SLC67A1: variants seen among roughly 807,000 people sequenced by gnomAD.
The protein encoded by SLC67A1 is solute carrier family 67 member 1.
the SLC67A1 span, among the ~76,000 whole-genome samples, chr11:2,910,157 G>C: frequency 6.6e-6 from 1 of 152,278 alleles, no homozygotes; most frequent in South Asian, 2.1e-4. Flanking sequence ...TTGAGTCCCC[G>C]AACGTTCTCC....
chr11:2,904,873 C>T, the SLC67A1 span, among the ~76,000 whole-genome samples: 1 of 152,156 alleles, frequency 6.6e-6, no homozygotes, highest in East Asian at 1.9e-4. Context: ...CCGGTTGAGG[C>T]CAGAATGGGA....
At chr11:2,916,983 A>G in the SLC67A1 span, 1 of 564,450 alleles carries the variant, frequency 1.8e-6, no homozygotes, top group Non-Finnish European at 3.2e-6. Flanking sequence ...AGGAAGGCCC[A>G]GACAGGGAAG....
At chr11:2,902,834 CTGAGAGCTGCA>C in the SLC67A1 span, 1 of 751,754 alleles carries the variant, frequency 1.3e-6, no homozygotes, top group Non-Finnish European at 1.6e-6. Flanking sequence ...TAGACCTTCC[CTGAGAGCTGCA>C]CTGTGTTGGG....
chr11:2,920,014 C>T, the SLC67A1 span: 3 of 152,306 alleles, frequency 2.0e-5, no homozygotes, highest in African/African-American at 7.2e-5. Context: ...GCTTCTGGAC[C>T]AGACCCTGGG....
chr11:2,904,175 C>A, the SLC67A1 span, among the ~76,000 whole-genome samples: 2 of 152,246 alleles, frequency 1.3e-5, no homozygotes, highest in African/African-American at 4.8e-5. Context: ...AGTCTCACAT[C>A]ACCAAGAAGC....
At chr11:2,903,778 T>C in the SLC67A1 span, 1 of 396,856 alleles carries the variant, frequency 2.5e-6, no homozygotes. Context: ...CCTAGCGCTG[T>C]TCCTCCTGCC....
At chr11:2,919,055 C>T in the SLC67A1 span, 1 of 521,516 alleles carries the variant, frequency 1.9e-6, no homozygotes, top group Non-Finnish European at 3.5e-6. Flanking sequence ...CCCTGGGTCC[C>T]TCCCTTCCAG....
At chr11:2,906,226 G>T in the SLC67A1 span, among the ~76,000 whole-genome samples, 2 of 152,230 alleles carry the variant, frequency 1.3e-5, no homozygotes, top group African/African-American at 4.8e-5. Flanking sequence ...AACAACAGAT[G>T]CTGGAGAGGA....
At chr11:2,915,526 C>T in the SLC67A1 span, among the ~76,000 whole-genome samples, 2 of 152,176 alleles carry the variant, frequency 1.3e-5, no homozygotes, top group Admixed American at 6.5e-5. Flanking sequence ...CACATTTGTC[C>T]GATCATCTAA....
At chr11:2,909,176 AC>A in the SLC67A1 span, 7 of 1,487,594 alleles carry the variant, frequency 4.7e-6, no homozygotes, top group African/African-American at 1.0e-4. Flanking sequence ...TGAGGGTCCG[AC>A]CCGCCCCTCG....
At chr11:2,911,835 A>C in the SLC67A1 span, among the ~76,000 whole-genome samples, 101,236 of 151,976 alleles carry the variant, frequency 0.67, 34,016 homozygotes, top group African/African-American at 0.74. Context: ...TTCCCCCATC[A>C]CAGCTGCTGA....
chr11:2,917,042 C>A, the SLC67A1 span: 1 of 388,490 alleles, frequency 2.6e-6, no homozygotes, highest in Non-Finnish European at 4.8e-6. Flanking sequence ...AGGGGAGGCC[C>A]AGAGAGGCCT....
the SLC67A1 span, among the ~76,000 whole-genome samples, chr11:2,923,195 T>C: frequency 6.6e-6 from 1 of 152,178 alleles, no homozygotes; most frequent in East Asian, 1.9e-4. The surrounding 1 kb of genome is among the most constrained non-coding windows in gnomAD (Gnocchi z 6.5). Flanking sequence ...GGGGCTCCTG[T>C]GGGCTGGTTG....
At chr11:2,922,913 G>C in the SLC67A1 span, among the ~76,000 whole-genome samples, 1 of 152,192 alleles carries the variant, frequency 6.6e-6, no homozygotes, top group East Asian at 1.9e-4. Context: ...CCCCCAGCAC[G>C]GGGAGTGGGG....
chr11:2,907,107 C>T, the SLC67A1 span, among the ~76,000 whole-genome samples: 1 of 151,328 alleles, frequency 6.6e-6, no homozygotes, highest in Non-Finnish European at 1.5e-5. The surrounding 1 kb of genome is among the most constrained non-coding windows in gnomAD (Gnocchi z 6.7). Context: ...GGGTTACCGA[C>T]TGCCCTTGGG....
chr11:2,924,162 C>T, the SLC67A1 span, among the ~76,000 whole-genome samples: 3 of 152,362 alleles, frequency 2.0e-5, no homozygotes, highest in African/African-American at 7.2e-5. The surrounding 1 kb of genome is among the most constrained non-coding windows in gnomAD (Gnocchi z 8.6). Flanking sequence ...CCCACGTGCC[C>T]GTCCATGCTG....
At chr11:2,916,182 G>C in the SLC67A1 span, 1 of 159,284 alleles carries the variant, frequency 6.3e-6, no homozygotes, top group South Asian at 2.0e-4. Context: ...ACGCTGGGGA[G>C]GCAGCATAGC....
At chr11:2,908,157 G>T in the SLC67A1 span, 1 of 982,546 alleles carries the variant, frequency 1.0e-6, no homozygotes, top group Non-Finnish European at 1.6e-6. Context: ...CCCACCCCCT[G>T]CCCATCCAGG....
the SLC67A1 span, chr11:2,909,548 C>T: frequency 3.3e-6 from 5 of 1,514,564 alleles, no homozygotes; most frequent in East Asian, 5.1e-5. Context: ...GAGGGGCTTT[C>T]GCCGCTCAGC....
Sources: gnomAD v4.1 joint callset for allele counts (sites outside exome capture counted in the v4.1 genomes callset) on GRCh38, gnomAD v4.1.1 for gene constraint, Gnocchi (gnomAD v3.1) non-coding constraint, MANE v1.5 for transcripts, NCBI Gene and HGNC (gene_info 2026-07-23, HGNC 2026-07-21) for gene names.